Variants in CDK17 observed in about 807,000 individuals in gnomAD.
CDK17 encodes the protein cyclin-dependent kinase 17.
CDK17 carries 24 observed loss-of-function variants against 77.6 expected under a neutral mutation model. The ratio of observed to expected loss-of-function variants is 0.31; its 90% CI spans 0.22 to 0.44. The LOEUF (loss-of-function observed/expected upper bound fraction) is 0.44, where lower values mean the gene tolerates loss of function less well. Among genes scored for constraint, CDK17 ranks in the 20% least tolerant of loss-of-function variants. The probability of loss-of-function intolerance (pLI) is 1.00; values close to 1 mark genes in which losing one functional copy is unlikely to be tolerated. For synonymous variants in CDK17, 203 were observed against 210.4 expected, an observed-to-expected ratio of 0.96 and a Z score of 0.30; for missense variants, 429 against 622.5, an observed-to-expected ratio of 0.69 and a Z score of 3.31.
intron 5 of CDK17, among the ~76,000 whole-genome samples, chr12:96,308,229 T>TAAAAAAAAAAAAAAAAAAAAAAAAA (rs61572243): frequency 7.8e-5 from 5 of 63,756 alleles, no homozygotes; most frequent in Middle Eastern, 0.012. Context: ...ATGCCATCTC[T>TAAAAAAAAAAAAAAAAAAAAAAAAA]AAAAAAAAAA....
intron 1 of CDK17, among the ~76,000 whole-genome samples, chr12:96,361,577 A>C (rs922887180): frequency 6.6e-6 from 1 of 152,262 alleles, no homozygotes; most frequent in African/African-American, 2.4e-5. Context: ...GAGTTACAAA[A>C]TCTAGTTAAA....
intron 1 of CDK17, among the ~76,000 whole-genome samples, chr12:96,336,749 T>A (rs1250414760): frequency 6.6e-6 from 1 of 152,242 alleles, no homozygotes; most frequent in Non-Finnish European, 1.5e-5. Context: ...CCATCTGTTG[T>A]GCTCTTAGTT....
intron 1 of CDK17, among the ~76,000 whole-genome samples, chr12:96,369,146 T>C (rs1000121856): frequency 1.3e-5 from 2 of 151,680 alleles, no homozygotes; most frequent in African/African-American, 2.4e-5. Context: ...ATTCAAACAA[T>C]CACAAAAAAG....
intron 3 of CDK17, among the ~76,000 whole-genome samples, chr12:96,314,511 A>G (rs996772043): frequency 2.6e-5 from 4 of 152,134 alleles, no homozygotes; most frequent in African/African-American, 7.2e-5. Context: ...CAAGGTCATC[A>G]CCAAGGTCTG....
At chr12:96,298,354 T>C (rs1952442505) in intron 7 of CDK17, among the ~76,000 whole-genome samples, 1 of 152,176 alleles carries the variant, frequency 6.6e-6, no homozygotes, top group African/African-American at 2.4e-5. Context: ...ATTATAATAC[T>C]TAAAATTGTC....
chr12:96,365,878 T>TA (rs969875024), intron 1 of CDK17, among the ~76,000 whole-genome samples: 38 of 152,140 alleles, frequency 2.5e-4, no homozygotes, highest in African/African-American at 7.5e-4. Context: ...CTGTCTCAAT[T>TA]AAAAAAAAGT....
intron 1 of CDK17, among the ~76,000 whole-genome samples, chr12:96,377,513 T>C (rs996192699): frequency 6.6e-6 from 1 of 152,108 alleles, no homozygotes; most frequent in African/African-American, 2.4e-5. Context: ...ATGTCATTGA[T>C]AATGAGAAAA....
chr12:96,347,411 AAAG>A (rs1346587004), intron 1 of CDK17, among the ~76,000 whole-genome samples: 1 of 151,668 alleles, frequency 6.6e-6, no homozygotes, highest in South Asian at 2.1e-4. Flanking sequence ...TAAAAATACA[AAAG>A]AAGCTAGCCA....
chr12:96,348,873 A>G (rs539524865), intron 1 of CDK17, among the ~76,000 whole-genome samples: 1 of 152,270 alleles, frequency 6.6e-6, no homozygotes, highest in Admixed American at 6.5e-5. Context: ...GGTAAAGTCT[A>G]CCAAACATTT....
intron 1 of CDK17, among the ~76,000 whole-genome samples, chr12:96,389,567 C>T (rs980458437): frequency 2.0e-5 from 3 of 152,102 alleles, no homozygotes; most frequent in Non-Finnish European, 4.4e-5. Flanking sequence ...ATTATTGCAA[C>T]ACACAATACC....
chr12:96,297,228 C>G (rs1257069789), intron 9 of CDK17, 42 bp downstream of exon 9: 2 of 1,334,694 alleles, frequency 1.5e-6, no homozygotes. Context: ...TTCACCTATG[C>G]TTTAAACAAA....
At chr12:96,356,496 C>T (rs1002300808) in intron 1 of CDK17, among the ~76,000 whole-genome samples, 2 of 152,102 alleles carry the variant, frequency 1.3e-5, no homozygotes, top group African/African-American at 4.8e-5. Flanking sequence ...GTTTTGAACT[C>T]CTGAACTCAA....
intron 3 of CDK17, among the ~76,000 whole-genome samples, chr12:96,316,328 G>C (rs1484113115): frequency 1.3e-5 from 2 of 151,852 alleles, no homozygotes; most frequent in Non-Finnish European, 2.9e-5. Flanking sequence ...CTTGCTGATT[G>C]CTAGCACAGC....
chr12:96,370,553 T>A (rs1364359700), intron 1 of CDK17, among the ~76,000 whole-genome samples: 1 of 152,194 alleles, frequency 6.6e-6, no homozygotes, highest in African/African-American at 2.4e-5. Context: ...TCTCCAAGTA[T>A]GTGTGGTCTG....
In CDK17 at chr12:96,300,363, G is replaced by T; in HGVS notation, c.544-3C>A. On this transcript the variant is annotated splice_region_variant and splice_polypyrimidine_tract_variant and intron_variant, in intron 5 of 16. Coordinates refer to ENST00000261211, the MANE Select transcript of CDK17 (RefSeq NM_002595.5). ...ATTTTTCCAAAGCCAATTTCTGACTGAAAAGTAAACAATGAAAAATGTAGT... is the reference window on the plus strand; with the variant it reads ...ATTTTTCCAAAGCCAATTTCTGACTTAAAAGTAAACAATGAAAAATGTAGT... The T allele has an allele frequency of 4.6e-6, 7 of 1,535,876 alleles. No homozygotes were observed. Among genetic ancestry groups the T allele is most frequent in the African/African-American group, 1.4e-5 (1 of 71,648 alleles).
chr12:96,282,933 T>C (rs1256870399), intron 14 of CDK17, among the ~76,000 whole-genome samples: 2 of 152,184 alleles, frequency 1.3e-5, no homozygotes, highest in Admixed American at 1.3e-4. Context: ...CTGGTGGACA[T>C]ATACCCAGTA....
intron 8 of CDK17, 111 bp downstream of exon 8, chr12:96,297,516 T>G (rs890160934): frequency 2.5e-5 from 21 of 851,616 alleles, no homozygotes; most frequent in Non-Finnish European, 3.6e-5. Flanking sequence ...AAAAGTCCAA[T>G]TTAGCTAAGC....
At position 96,347,760 on chromosome 12, in the gene CDK17, C is replaced by T. The variant is rs201015049; in HGVS notation, c.-29-12895G>A. 1.2e-4 allele frequency among the ~76,000 whole-genome samples: 18 copies of T among 152,112 alleles called. No homozygotes were observed. The East Asian group carries it at 3.1e-3, about 26-fold the overall frequency. On this transcript the variant is annotated intron_variant, in intron 1 of 16. Transcript: ENST00000261211. ...ACAAGCAGAATACACACTCTTCAAG[C>T]GCATATGGAACATTCTCCAGGACAG...
rs147302202 is a variant in CDK17 at position 96,315,953 on chromosome 12, C to A, written c.284-2499G>T. ...TTAAAAAAAAAATCAGAGGGAGGAG[C>A]CAAGATGGCCGAATAGGAACAGCTC... On this transcript the variant is annotated intron_variant, in intron 3 of 16. Coordinates refer to ENST00000261211, the MANE Select transcript of CDK17 (RefSeq NM_002595.5). Among the ~76,000 whole-genome samples the A allele has an allele frequency of 4.2e-3, 646 of 152,172 alleles. 4 individuals carry two copies. Among genetic ancestry groups the A allele is most frequent in the South Asian group, 0.015 (74 of 4,816 alleles).
Sources: allele counts gnomAD v4.1 joint callset (sites outside exome capture counted in the v4.1 genomes callset), GRCh38; gene constraint gnomAD v4.1.1; transcripts MANE v1.5; gene names NCBI Gene and HGNC (gene_info 2026-07-23, HGNC 2026-07-21).